Variants in EIF3A observed in about 807,000 individuals in gnomAD.
The protein encoded by EIF3A is EIF3, p180 subunit.
EIF3A carries 21 observed loss-of-function variants against 186.6 expected under a neutral mutation model. The observed-to-expected ratio is 0.11, with a 90% CI of 0.08 to 0.16. EIF3A has a LOEUF of 0.16. EIF3A is among the 10% of genes least tolerant of loss of function. The probability of loss-of-function intolerance (pLI) is 1.00; values close to 1 mark genes in which losing one functional copy is unlikely to be tolerated. For synonymous variants in EIF3A, 563 were observed against 584.3 expected (o/e 0.96, Z 0.52); for missense variants, 1,306 against 1,796.3 (o/e 0.73, Z 4.93).
At chr10:119,040,544 C>A (rs149968082) in intron 19 of EIF3A, among the ~76,000 whole-genome samples, 2 of 152,304 alleles carry the variant, frequency 1.3e-5, no homozygotes, top group African/African-American at 4.8e-5. Flanking sequence ...ATGCAGTAAG[C>A]AGCTGTCACC....
At chr10:119,073,182 G>A (rs1844106392) in intron 3 of EIF3A, 129 bp from the exon 4 acceptor site, 6 of 849,292 alleles carry the variant, frequency 7.1e-6, no homozygotes, top group Non-Finnish European at 1.1e-5. Context: ...CTGCAAAGGT[G>A]TCACTATCTA....
chr10:119,072,427 AT>A (rs1844091186), intron 4 of EIF3A, among the ~76,000 whole-genome samples: 1 of 110,554 alleles, frequency 9.0e-6, no homozygotes, highest in Non-Finnish European at 1.9e-5. Flanking sequence ...TTACTCAGTC[AT>A]TTTGGTTTTG....
Position 119,050,506 on chromosome 10 carries a change from G to T in EIF3A, c.2473+15C>A. 6.2e-7 allele frequency: 1 copy of T among 1,612,430 alleles called. No homozygotes were observed. The highest frequency in any genetic ancestry group is 8.5e-7 in the Non-Finnish European group (1 of 1,178,842). ...CTTGCATTAGCACCCCTCCAATCCTGTTTGACCTGTGTACCTTTTAGCATT... is the reference window on the plus strand; with the variant it reads ...CTTGCATTAGCACCCCTCCAATCCTTTTTGACCTGTGTACCTTTTAGCATT... On this transcript the variant is annotated intron_variant, in intron 16 of 21. Coordinates refer to ENST00000369144, the MANE Select transcript of EIF3A (RefSeq NM_003750.4).
Position 119,059,267 on chromosome 10 carries a change from G to C in EIF3A, c.1574C>G (p.Ala525Gly). 6.2e-7 allele frequency: 1 copy of C among 1,614,188 alleles called. No individual in the cohort carries two copies. Among genetic ancestry groups the C allele is most frequent in the Non-Finnish European group, 8.5e-7 (1 of 1,180,018 alleles). Residue 525 changes from alanine to glycine, a missense_variant, in exon 11 of 22, where the codon GCC (alanine) becomes GGC (glycine). Transcript: ENST00000369144. ...TGCTTTTGCAAGTACTGAGGACATG[G>C]CTGTCAGCTGGTTTCTTATCTGCTC... ...PSEQIRNQLT[A>G]MSSVLAKALE...
At chr10:119,037,490 C>G (rs963143748) in intron 20 of EIF3A, among the ~76,000 whole-genome samples, 181 bp from the exon 21 acceptor site, 1 of 152,146 alleles carries the variant, frequency 6.6e-6, no homozygotes, top group Non-Finnish European at 1.5e-5. Flanking sequence ...AGATCTGTGC[C>G]GTCCCACTCG....
In EIF3A at chr10:119,057,060, C is replaced by A. The variant is rs1276010905; in HGVS notation, c.1978-20G>T. ...AAGGTCCTGAAAGGTAATACAAATG[C>A]ACAATTGTTAATAAAGAGAAACAAG... On this transcript the variant is annotated intron_variant, in intron 12 of 21. Transcript: ENST00000369144. The A allele has an allele frequency of 7.0e-7, 1 of 1,428,638 alleles. No homozygotes were observed. Among genetic ancestry groups the A allele is most frequent in the Non-Finnish European group, 9.7e-7 (1 of 1,026,482 alleles). The allele number at this position is 1,428,638 out of a possible 1,614,324, so 88.5% of individuals were successfully genotyped here.
chr10:119,052,946 A>G (rs926736188), intron 14 of EIF3A, among the ~76,000 whole-genome samples: 12 of 152,218 alleles, frequency 7.9e-5, no homozygotes, highest in Non-Finnish European at 1.6e-4. Context: ...TTTCTTAAAT[A>G]ATAAGACTTG....
At chr10:119,059,752 C>A in intron 9 of EIF3A, 34 bp from the exon 10 acceptor site, 1 of 1,383,260 alleles carries the variant, frequency 7.2e-7, no homozygotes, top group Non-Finnish European at 1.0e-6. Flanking sequence ...TAACACTAGC[C>A]ACTGTTTATT....
At position 119,069,667 on chromosome 10, in the gene EIF3A, G is replaced by A. The variant is rs1244360629; in HGVS notation, c.742-13C>T. On this transcript the variant is annotated splice_polypyrimidine_tract_variant and intron_variant, in intron 5 of 21. Transcript: ENST00000369144. ...CTTTGAATGCTTCCTAAAATTAGGA[G>A]TATAAATTAAAGTCATTGCATTCTA... is the stretch of plus-strand genomic sequence containing the variant. 1 of 1,395,494 alleles carries A rather than the reference G, an allele frequency of 7.2e-7. No homozygotes were observed. Among genetic ancestry groups the A allele is most frequent in the Non-Finnish European group, 1.0e-6 (1 of 982,334 alleles). 86.4% of individuals were successfully genotyped at this position (1,395,494 alleles called of 1,614,324 possible).
intron 20 of EIF3A, among the ~76,000 whole-genome samples, chr10:119,037,845 G>A (rs946826223): frequency 2.0e-5 from 3 of 151,906 alleles, no homozygotes; most frequent in Admixed American, 6.6e-5. Flanking sequence ...AATGCCCAAC[G>A]GGTCACACAG....
chr10:119,050,890 G>T (rs916964067), intron 15 of EIF3A, among the ~76,000 whole-genome samples: 8 of 152,130 alleles, frequency 5.3e-5, no homozygotes, highest in Non-Finnish European at 7.4e-5. Context: ...ACCTCCAGTG[G>T]GTTTGTCTTT....
intron 1 of EIF3A, among the ~76,000 whole-genome samples, chr10:119,080,120 G>T (rs1346525399): frequency 6.6e-6 from 1 of 152,258 alleles, no homozygotes; most frequent in African/African-American, 2.4e-5. Flanking sequence ...TTGGAGAGCG[G>T]GGGTGGCTGC....
intron 7 of EIF3A, among the ~76,000 whole-genome samples, chr10:119,062,676 A>C (rs1460956093): frequency 1.3e-5 from 2 of 150,564 alleles, no homozygotes; most frequent in African/African-American, 4.9e-5. Context: ...CTTCCAGCCA[A>C]TTGTAAATGT....
chr10:119,069,794 A>T (rs1265032035), intron 5 of EIF3A, 140 bp from the exon 6 acceptor site: 2 of 608,126 alleles, frequency 3.3e-6, no homozygotes, highest in African/African-American at 3.7e-5. Flanking sequence ...TTACTCATGT[A>T]TATCTATTTT....
chr10:119,078,020 G>T (rs1275280248), intron 1 of EIF3A, among the ~76,000 whole-genome samples: 1 of 152,164 alleles, frequency 6.6e-6, no homozygotes, highest in Non-Finnish European at 1.5e-5. Context: ...TGAGCATTTG[G>T]AGCATACCTT....
At chr10:119,071,131 C>T (rs1313612007) in intron 4 of EIF3A, 46 bp from the exon 5 acceptor site, 1 of 1,334,030 alleles carries the variant, frequency 7.5e-7, no homozygotes, top group Admixed American at 1.7e-5. Context: ...CCACTATCTA[C>T]TTAAATATTT....
intron 1 of EIF3A, among the ~76,000 whole-genome samples, chr10:119,080,029 G>C (rs533385055): frequency 2.6e-5 from 4 of 152,358 alleles, no homozygotes; most frequent in African/African-American, 9.6e-5. Context: ...CAGGTTAAAT[G>C]GGTCAGAGGC....
At chr10:119,037,368 A>T in intron 20 of EIF3A, 59 bp from the exon 21 acceptor site, 1 of 1,454,070 alleles carries the variant, frequency 6.9e-7, no homozygotes, top group Non-Finnish European at 9.6e-7. Flanking sequence ...GGATAATTAT[A>T]AGTACATCCA....
intron 7 of EIF3A, among the ~76,000 whole-genome samples, chr10:119,061,821 CAT>C: frequency 6.6e-6 from 1 of 152,130 alleles, no homozygotes; most frequent in African/African-American, 2.4e-5. Flanking sequence ...ATCTCACAAA[CAT>C]AGCGGTGAGA....
Sources: gnomAD v4.1 joint callset for allele counts (sites outside exome capture counted in the v4.1 genomes callset) on GRCh38, gnomAD v4.1.1 for gene constraint, MANE v1.5 for transcripts, NCBI Gene and HGNC (gene_info 2026-07-23, HGNC 2026-07-21) for gene names.